The following SECTM1 variants were observed in gnomAD, a reference collection of about 807,000 sequenced individuals.
SECTM1 encodes the protein secreted and transmembrane 1, also known as secreted and transmembrane protein 1.
In SECTM1, 10 loss-of-function variants were observed where a neutral mutation model predicts 18.1. The observed-to-expected ratio is 0.55, with a 90% CI of 0.34 to 0.94. SECTM1 has a LOEUF of 0.94. SECTM1 is among the 40% of genes least tolerant of loss of function. The pLI is 0.02. For missense variants in SECTM1, 297 were observed against 322.6 expected (o/e 0.92, Z 0.61); for synonymous variants, 137 against 139.2 (o/e 0.98, Z 0.11).
rs561842643 is a variant in SECTM1, at chr17:82,325,355, CA to C, written c.95-466del. ...CCTCCTGTTTCTCCAAGGCCTAGGC[CA>C]GGTGCAGGTGCTCGGCTGCGTGAGG... On this transcript the variant is annotated intron_variant, in intron 2 of 4. Transcript: ENST00000269389. This position sits in a 1 kb window ranked among gnomAD's most constrained non-coding sequence, Gnocchi z 7.6. Among the ~76,000 whole-genome samples, 202 of 152,348 alleles carry C rather than the reference CA, an allele frequency of 1.3e-3. 6 individuals are homozygous for C. In the South Asian group the frequency reaches 0.041, roughly 31 times the overall value.
At position 82,322,366 on chromosome 17, in the gene SECTM1, T is replaced by A; in HGVS notation, c.542A>T (p.Lys181Met). ...CATCTGGGGTTCTAGGAGGAAGAAC[T>A]TCTTCTGCAGGGGGAGGAAGGAGGT... ...CRCSQQRREK[K>M]FFLLEPQMKV... is the part of the protein sequence containing the mutation. The change falls in exon 5 of 5, where the codon AAG (lysine) becomes ATG (methionine). Residue 181 changes from lysine to methionine, a missense_variant. Lys to Met is a moderately conservative substitution (Grantham distance 95). Coordinates refer to ENST00000269389, the MANE Select transcript of SECTM1 (RefSeq NM_003004.3). 1 of 1,613,580 alleles carries A rather than the reference T, an allele frequency of 6.2e-7. No individual in the cohort carries two copies. Among genetic ancestry groups the A allele is most frequent in the South Asian group, 1.1e-5 (1 of 91,080 alleles).
At chr17:82,323,839 T>G (rs1599652857) in intron 3 of SECTM1, among the ~76,000 whole-genome samples, 5 of 109,472 alleles carry the variant, frequency 4.6e-5, no homozygotes, top group Non-Finnish European at 7.4e-5. Flanking sequence ...AGGCAGAGAG[T>G]GGGGCAGCGA....
intron 1 of SECTM1, among the ~76,000 whole-genome samples, chr17:82,333,235 G>A (rs969782930): frequency 4.1e-4 from 62 of 152,250 alleles, no homozygotes; most frequent in African/African-American, 1.5e-3. Context: ...TGGTCGCAGC[G>A]ACGGCGCAGG....
At chr17:82,322,721 G>C (rs2052105786) in intron 4 of SECTM1, among the ~76,000 whole-genome samples, 157 bp downstream of exon 4, 1 of 152,150 alleles carries the variant, frequency 6.6e-6, no homozygotes. Context: ...ACCATAGCCG[G>C]CTGGGCCCCT....
Position 82,328,226 on chromosome 17 carries a change from C to A in SECTM1, c.-52-934G>T, listed in dbSNP as rs1279559520. 1 of 152,314 alleles carries A rather than the reference C, an allele frequency of 6.6e-6. No homozygotes were observed. The highest frequency in any genetic ancestry group is 2.4e-5 in the African/African-American group (1 of 41,564). 9.4% of individuals were successfully genotyped at this position (152,314 alleles called of 1,614,324 possible). A position where few individuals can be genotyped will look rare whatever the true frequency, so the allele number is the denominator to read the frequency against. On this transcript the variant is annotated intron_variant, in intron 1 of 4. Transcript: ENST00000269389. The surrounding 1 kb of genome is among the most constrained non-coding windows in gnomAD (Gnocchi z 5.8). ...TCTCAGGCCTGCAAACACTAGGGGC[C>A]CCCTAGCTGTGTGGCTCCTCTCCCG...
Position 82,330,567 on chromosome 17 carries a change from C to T in SECTM1, c.-53+3133G>A, listed in dbSNP as rs536748683. Among the ~76,000 whole-genome samples, 5 of 152,310 alleles carry T rather than the reference C, an allele frequency of 3.3e-5. No individual in the cohort carries two copies. Among genetic ancestry groups the T allele is most frequent in the South Asian group, 2.1e-4 (1 of 4,820 alleles). ...TGGAGGCCCCCAAGGGCCAGCTGCA[C>T]GCACCTGGCTTCATGCCAAGCTCCT... On this transcript the variant is annotated intron_variant, in intron 1 of 4. Transcript: ENST00000269389. The surrounding 1 kb of genome is among the most constrained non-coding windows in gnomAD (Gnocchi z 6.1).
chr17:82,330,425 C>T lies in SECTM1; in HGVS notation c.-52-3133G>A, dbSNP rs1452520312. Reference sequence around the variant, plus strand: ...ACAGATCCCCAGAGAGCCCCGACAGCGCTGCGTCCACCCCACCTGCCCACC... The same window carrying T: ...ACAGATCCCCAGAGAGCCCCGACAGTGCTGCGTCCACCCCACCTGCCCACC... On this transcript the variant is annotated intron_variant, in intron 1 of 4. Coordinates refer to ENST00000269389, the MANE Select transcript of SECTM1 (RefSeq NM_003004.3). The surrounding 1 kb of genome is among the most constrained non-coding windows in gnomAD (Gnocchi z 6.1). Among the ~76,000 whole-genome samples, 3 of 152,168 alleles carry T rather than the reference C, an allele frequency of 2.0e-5. No homozygotes were observed. Among genetic ancestry groups the T allele is most frequent in the Admixed American group, 6.5e-5 (1 of 15,290 alleles).
chr17:82,322,423 A>G, intron 4 of SECTM1, 53 bp from the exon 5 acceptor site: 1 of 1,539,210 alleles, frequency 6.5e-7, no homozygotes, highest in Admixed American at 1.7e-5. Context: ...CCGTGCCCAC[A>G]GCTCTGCCCT....
rs2052138274 is a variant in SECTM1, at chr17:82,325,490, C to T, written c.95-600G>A. Among the ~76,000 whole-genome samples, 1 of 152,236 alleles carries T rather than the reference C, an allele frequency of 6.6e-6. No homozygotes were observed. Among genetic ancestry groups the T allele is most frequent in the Non-Finnish European group, 1.5e-5 (1 of 68,042 alleles). ...CCCAGCCTGCTTGTGCCACCCCCAA[C>T]ATTCCCTTTCCCCTCCCGGCCACCC... On this transcript the variant is annotated intron_variant, in intron 2 of 4. Transcript: ENST00000269389. The surrounding 1 kb of genome is among the most constrained non-coding windows in gnomAD (Gnocchi z 7.6).
chr17:82,324,529 C>A, intron 3 of SECTM1, 53 bp downstream of exon 3: 2 of 732,176 alleles, frequency 2.7e-6, no homozygotes, highest in Non-Finnish European at 4.3e-6. Context: ...CCCCTCCCCT[C>A]CCCGTGTCCC....
At chr17:82,331,740 A>G (rs2052192952) in intron 1 of SECTM1, among the ~76,000 whole-genome samples, 1 of 152,232 alleles carries the variant, frequency 6.6e-6, no homozygotes, top group African/African-American at 2.4e-5. Flanking sequence ...GCCCCAGGGA[A>G]AGTGGCCAGG....
rs537799707 is a variant in SECTM1 at position 82,324,399 on chromosome 17, A to C, written c.403+183T>G. Reference sequence around the variant, plus strand: ...CTCCCAAAGGAAGAACTGTCCCAGGAGGTCAAGAGGCCTCCACCCCAACTC... The same window carrying C: ...CTCCCAAAGGAAGAACTGTCCCAGGCGGTCAAGAGGCCTCCACCCCAACTC... On this transcript the variant is annotated intron_variant, in intron 3 of 4. Transcript: ENST00000269389. Among the ~76,000 whole-genome samples, 218 of 151,804 alleles carry C rather than the reference A, an allele frequency of 1.4e-3. 1 individual carries two copies. The highest frequency in any genetic ancestry group is 2.5e-3 in the Non-Finnish European group (169 of 67,902).
chr17:82,327,416 G>T, intron 1 of SECTM1, 124 bp from the exon 2 acceptor site: 1 of 598,346 alleles, frequency 1.7e-6, no homozygotes, highest in Non-Finnish European at 3.0e-6. Context: ...GACCTGCTCT[G>T]GATGCTGGAG....
In SECTM1 at chr17:82,330,656, G is replaced by A. The variant is rs1288627016; in HGVS notation, c.-53+3044C>T. 2.6e-5 allele frequency among the ~76,000 whole-genome samples: 4 copies of A among 152,010 alleles called. No individual in the cohort carries two copies. Among genetic ancestry groups the A allele is most frequent in the African/African-American group, 9.7e-5 (4 of 41,374 alleles). On this transcript the variant is annotated intron_variant, in intron 1 of 4. Transcript: ENST00000269389. This position sits in a 1 kb window ranked among gnomAD's most constrained non-coding sequence, Gnocchi z 6.1. ...TGAGTGTCCCAAGTCTGCCCGCTGT[G>A]CATTCCATGGGGCCAGCAGCTCGGT...
chr17:82,331,645 G>C (rs1478547730), intron 1 of SECTM1, among the ~76,000 whole-genome samples: 3 of 152,226 alleles, frequency 2.0e-5, no homozygotes, highest in Non-Finnish European at 4.4e-5. Context: ...GTCCTCTCCT[G>C]CCATCCTCCT....
intron 3 of SECTM1, 53 bp from the exon 4 acceptor site, chr17:82,323,064 T>G: frequency 1.3e-6 from 2 of 1,555,636 alleles, no homozygotes; most frequent in African/African-American, 2.8e-5. Context: ...CCCCACCCCC[T>G]ACCTCCTCCG....
rs937515769 is a variant in SECTM1, at chr17:82,326,531, C to T, written c.94+616G>A. Among the ~76,000 whole-genome samples, 6 of 151,844 alleles carry T rather than the reference C, an allele frequency of 4.0e-5. No homozygotes were observed. Among genetic ancestry groups the T allele is most frequent in the Admixed American group, 3.9e-4 (6 of 15,248 alleles). ...GGAGGATCACCTGAGCCCAGGAGGT[C>T]GAGGCTGCGGTGAGCTGTGATTGTA... On this transcript the variant is annotated intron_variant, in intron 2 of 4. Transcript: ENST00000269389. The surrounding 1 kb of genome is among the most constrained non-coding windows in gnomAD (Gnocchi z 4.3).
Position 82,322,078 on chromosome 17 carries a change from G to T in SECTM1, c.*83C>A. ...AGCAAGCCGGTGTCTGTGCCCTCCG[G>T]GTGGGACGAGAGACCCAGGCCCCGC... On this transcript the variant is annotated 3_prime_UTR_variant, in exon 5 of 5. Coordinates refer to ENST00000269389, the MANE Select transcript of SECTM1 (RefSeq NM_003004.3). 2 of 1,381,066 alleles carry T rather than the reference G, an allele frequency of 1.4e-6. No homozygotes were observed. The highest frequency in any genetic ancestry group is 2.0e-6 in the Non-Finnish European group (2 of 978,054). 85.6% of individuals were successfully genotyped at this position (1,381,066 alleles called of 1,614,324 possible).
Position 82,322,947 on chromosome 17 carries a change from G to C in SECTM1, c.468C>G (p.Val156=). 2.5e-6 allele frequency: 4 copies of C among 1,613,918 alleles called. No individual in the cohort carries two copies. The highest frequency in any genetic ancestry group is 3.4e-6 in the Non-Finnish European group (4 of 1,179,974). ...FWPVPAVVTA[V]FILLVALVMF... ...TGACCAGAGCGACCAAGAGGATGAA[G>C]ACAGCAGTGACCACCGCTGGCACAG... The change falls in exon 4 of 5, where the codon GTC becomes GTG. Residue 156 remains valine (V), a synonymous_variant. Transcript: ENST00000269389.
Sources: gnomAD v4.1 joint callset for allele counts (sites outside exome capture counted in the v4.1 genomes callset) on GRCh38, gnomAD v4.1.1 for gene constraint, Gnocchi (gnomAD v3.1) non-coding constraint, MANE v1.5 for transcripts, NCBI Gene and HGNC (gene_info 2026-07-23, HGNC 2026-07-21) for gene names.